Variants in CBLN2 observed in about 807,000 individuals in gnomAD.
CBLN2 encodes cerebellin 2 precursor.
CBLN2 carries 7 observed loss-of-function variants against 15.0 expected under a neutral mutation model. The observed-to-expected ratio is 0.47, with a 90% CI of 0.27 to 0.88. The LOEUF is 0.88. CBLN2 is among the 40% of genes least tolerant of loss of function. CBLN2 has a pLI of 0.14. For missense variants in CBLN2, 242 were observed against 304.5 expected (o/e 0.79, Z 1.53); for synonymous variants, 149 against 135.2 (o/e 1.10, Z -0.71).
intron 1 of CBLN2, among the ~76,000 whole-genome samples, chr18:72,599,708 A>C (rs1001813082): frequency 6.6e-6 from 1 of 152,230 alleles, no homozygotes; most frequent in African/African-American, 2.4e-5. Context: ...AAAAGAAGGA[A>C]TAATTGATAA....
At chr18:72,587,511 T>C (rs1043798480) in intron 1 of CBLN2, among the ~76,000 whole-genome samples, 2 of 152,074 alleles carry the variant, frequency 1.3e-5, no homozygotes, top group Admixed American at 6.6e-5. Context: ...AAGTAGGTTT[T>C]AAAAAAAGAC....
At chr18:72,553,045 A>T (rs543550074) in intron 1 of CBLN2, among the ~76,000 whole-genome samples, 1 of 152,370 alleles carries the variant, frequency 6.6e-6, no homozygotes, top group East Asian at 1.9e-4. Context: ...TTATTTTCTC[A>T]TATATGTGCA....
At chr18:72,567,467 C>T (rs982902060) in intron 1 of CBLN2, among the ~76,000 whole-genome samples, 9 of 152,120 alleles carry the variant, frequency 5.9e-5, no homozygotes, top group African/African-American at 1.2e-4. Context: ...CATCCGGATG[C>T]TGTTATCTGA....
chr18:72,581,858 T>C (rs1467245747), intron 1 of CBLN2, among the ~76,000 whole-genome samples: 1 of 152,204 alleles, frequency 6.6e-6, no homozygotes, highest in Non-Finnish European at 1.5e-5. Context: ...AATCGATTAG[T>C]TCGTATATGT....
At chr18:72,567,484 TC>T (rs1360966067) in intron 1 of CBLN2, among the ~76,000 whole-genome samples, 6 of 152,112 alleles carry the variant, frequency 3.9e-5, no homozygotes. Context: ...CTGAGTTTTC[TC>T]TCTCAGGCAT....
intron 1 of CBLN2, among the ~76,000 whole-genome samples, chr18:72,557,841 A>G (rs2069236186): frequency 6.6e-6 from 1 of 152,204 alleles, no homozygotes; most frequent in African/African-American, 2.4e-5. Context: ...GATAGGTACA[A>G]CAAGCCACCA....
chr18:72,628,572 C>T (rs1054924988), intron 1 of CBLN2, among the ~76,000 whole-genome samples: 1 of 152,154 alleles, frequency 6.6e-6, no homozygotes, highest in Non-Finnish European at 1.5e-5. Context: ...TGGATTTGGG[C>T]TGTTCCCGCA....
At chr18:72,614,161 G>T (rs2069641727) in intron 1 of CBLN2, among the ~76,000 whole-genome samples, 1 of 152,136 alleles carries the variant, frequency 6.6e-6, no homozygotes, top group Non-Finnish European at 1.5e-5. Flanking sequence ...TACAGATAAA[G>T]TGGTACCTTT....
chr18:72,605,103 T>C (rs148888777), intron 1 of CBLN2, among the ~76,000 whole-genome samples: 3 of 152,336 alleles, frequency 2.0e-5, no homozygotes, highest in African/African-American at 7.2e-5. Flanking sequence ...CCTTTCACAA[T>C]GAATTAGCAC....
chr18:72,585,969 G>C (rs2069440101), intron 1 of CBLN2, among the ~76,000 whole-genome samples: 1 of 152,264 alleles, frequency 6.6e-6, no homozygotes, highest in Non-Finnish European at 1.5e-5. Flanking sequence ...AGAATGTGAA[G>C]ATGCCAGGCA....
At chr18:72,582,976 A>G (rs1487754579) in intron 1 of CBLN2, among the ~76,000 whole-genome samples, 3 of 152,132 alleles carry the variant, frequency 2.0e-5, no homozygotes, top group Non-Finnish European at 2.9e-5. Flanking sequence ...GTCTTCTTGC[A>G]CCCTCTGCTG....
chr18:72,594,449 T>G (rs575413936), intron 1 of CBLN2, among the ~76,000 whole-genome samples: 1 of 152,226 alleles, frequency 6.6e-6, no homozygotes, highest in African/African-American at 2.4e-5. Context: ...GTTCTCTTTT[T>G]TTTTTTAATG....
upstream of CBLN2, among the ~76,000 whole-genome samples, chr18:72,545,116 G>C (rs1051156355): frequency 4.6e-5 from 7 of 152,222 alleles, no homozygotes; most frequent in Non-Finnish European, 4.4e-5. Flanking sequence ...CTTAACAAAC[G>C]GAGGTCTTTT....
chr18:72,632,387 A>G (rs1405731937), intron 1 of CBLN2, among the ~76,000 whole-genome samples: 1 of 152,220 alleles, frequency 6.6e-6, no homozygotes, highest in Non-Finnish European at 1.5e-5. Flanking sequence ...GAAGTCAAAA[A>G]TAAATCAAGC....
chr18:72,604,164 C>A (rs1255766348), intron 1 of CBLN2, among the ~76,000 whole-genome samples: 1 of 152,184 alleles, frequency 6.6e-6, no homozygotes, highest in Non-Finnish European at 1.5e-5. Context: ...CAAGGCCCAC[C>A]AGCACTAGAG....
At chr18:72,550,537 G>C (rs2069185538) in intron 1 of CBLN2, among the ~76,000 whole-genome samples, 1 of 152,130 alleles carries the variant, frequency 6.6e-6, no homozygotes, top group Non-Finnish European at 1.5e-5. Flanking sequence ...GCGGCGGAAA[G>C]AAAAGCACTT....
chr18:72,600,432 G>A (rs1284472712), intron 1 of CBLN2, among the ~76,000 whole-genome samples: 1 of 152,166 alleles, frequency 6.6e-6, no homozygotes, highest in Non-Finnish European at 1.5e-5. Context: ...TAAACACTAC[G>A]GGAATTTGGG....
At position 72,537,188 on chromosome 18, in the gene CBLN2, A is replaced by G. The variant is rs2069069308; in HGVS notation, c.*988T>C. 6.6e-6 allele frequency: 1 copy of G among 152,122 alleles called. No homozygotes were observed. The highest frequency in any genetic ancestry group is 1.5e-5 in the Non-Finnish European group (1 of 68,012). 9.4% of individuals were successfully genotyped at this position (152,122 alleles called of 1,614,324 possible). ...TTGGTCATTACAGCTTCCATTACCA[A>G]CTTATATGATTCAGGACCACTCAGG... On this transcript the variant is annotated 3_prime_UTR_variant, in exon 5 of 5. Coordinates refer to ENST00000269503, the MANE Select transcript of CBLN2 (RefSeq NM_182511.4).
intron 1 of CBLN2, among the ~76,000 whole-genome samples, chr18:72,628,862 T>C (rs2069757392): frequency 6.6e-6 from 1 of 152,222 alleles, no homozygotes; most frequent in Admixed American, 6.5e-5. Flanking sequence ...TTTTCTTAAG[T>C]TGTGACAAGT....
Sources: gnomAD v4.1 joint callset for allele counts (sites outside exome capture counted in the v4.1 genomes callset) on GRCh38, gnomAD v4.1.1 for gene constraint, MANE v1.5 for transcripts, NCBI Gene and HGNC (gene_info 2026-07-23, HGNC 2026-07-21) for gene names.